Variants in TBC1D9B observed in about 807,000 individuals in gnomAD.
TBC1D9B encodes TBC1 domain family, member 9B (with GRAM domain).
In TBC1D9B, 87 loss-of-function variants were observed where a neutral mutation model predicts 121.1. The observed-to-expected ratio is 0.72, with a 90% confidence interval of 0.60 to 0.86. The LOEUF (loss-of-function observed/expected upper bound fraction) is 0.86. Among genes scored for constraint, TBC1D9B ranks in the 40% least tolerant of loss-of-function variants. The pLI is 0.00. For synonymous variants in TBC1D9B, 668 were observed against 670.1 expected (o/e 1.00, Z 0.05); for missense variants, 1,540 against 1,628.6 (o/e 0.95, Z 0.94).
intron 9 of TBC1D9B, among the ~76,000 whole-genome samples, chr5:179,878,750 G>C (rs1760439129): frequency 6.6e-6 from 1 of 152,216 alleles, no homozygotes; most frequent in African/African-American, 2.4e-5. Flanking sequence ...AATGCTGTCA[G>C]AGCCTGTCCC....
Position 179,865,142 on chromosome 5 carries a change from A to T in TBC1D9B, c.3021+112T>A, listed in dbSNP as rs913660976. Reference sequence around the variant, plus strand: ...GGACTAACGGGCTCTAGAGGCAGGGAGGAGCCTTCCCACCCACCAGGAGAT... The same window carrying T: ...GGACTAACGGGCTCTAGAGGCAGGGTGGAGCCTTCCCACCCACCAGGAGAT... On this transcript the variant is annotated intron_variant, in intron 20 of 20. Coordinates refer to ENST00000355235, the MANE Select transcript of TBC1D9B (RefSeq NM_015043.4). This position sits in a 1 kb window ranked among gnomAD's most constrained non-coding sequence, Gnocchi z 5.1. 7 of 1,001,694 alleles carry T rather than the reference A, an allele frequency of 7.0e-6. No homozygotes were observed. Among genetic ancestry groups the T allele is most frequent in the Middle Eastern group, 2.1e-4 (1 of 4,702 alleles). The allele number at this position is 1,001,694 out of a possible 1,614,324, so 62.1% of individuals were successfully genotyped here.
chr5:179,869,918 A>G (rs1399924562), intron 16 of TBC1D9B, 84 bp from the exon 17 acceptor site: 19 of 1,318,996 alleles, frequency 1.4e-5, no homozygotes, highest in Non-Finnish European at 1.9e-5. Flanking sequence ...CCCTCTTCAC[A>G]GCCTGTGCTG....
intron 18 of TBC1D9B, chr5:179,867,198 A>G (rs1760037710): frequency 2.1e-6 from 1 of 476,400 alleles, no homozygotes; most frequent in South Asian, 4.1e-5. Context: ...TGTCTCTAAC[A>G]TGTGGCTGTG....
rs1561636558 is a variant in TBC1D9B at position 179,874,822 on chromosome 5, C to A, written c.2186+80G>T. 6.4e-7 allele frequency: 1 copy of A among 1,551,288 alleles called. No homozygotes were observed. The highest frequency in any genetic ancestry group is 2.3e-5 in the East Asian group (1 of 44,368). ...TGGCACTTGGTGGGCACAGTCACTT[C>A]AGGCTGACTGGACAGTGCCCGGGGC... On this transcript the variant is annotated intron_variant, in intron 12 of 20. Transcript: ENST00000355235. The surrounding 1 kb of genome is among the most constrained non-coding windows in gnomAD (Gnocchi z 4.3).
At chr5:179,898,072 T>C (rs1470247257) in intron 3 of TBC1D9B, among the ~76,000 whole-genome samples, 2 of 151,920 alleles carry the variant, frequency 1.3e-5, no homozygotes, top group Non-Finnish European at 2.9e-5. Flanking sequence ...TCCCATAACT[T>C]TGGGAGGCCA....
At chr5:179,899,403 T>C in intron 2 of TBC1D9B, 96 bp from the exon 3 acceptor site, 1 of 1,026,640 alleles carries the variant, frequency 9.7e-7, no homozygotes, top group Non-Finnish European at 1.5e-6. Context: ...TGACCTCATT[T>C]GCTAAATCTA....
chr5:179,904,616 C>T lies in TBC1D9B; in HGVS notation c.229+86G>A. On this transcript the variant is annotated intron_variant, in intron 2 of 20. Coordinates refer to ENST00000355235, the MANE Select transcript of TBC1D9B (RefSeq NM_015043.4). This position sits in a 1 kb window ranked among gnomAD's most constrained non-coding sequence, Gnocchi z 4.2. ...CTGTCAGCAGGGAATACCACCCAGA[C>T]ACGTGGGCTACACACCCCTTCCTCT... is the stretch of plus-strand genomic sequence containing the variant. The T allele has an allele frequency of 8.7e-7, 1 of 1,154,572 alleles. No homozygotes were observed. The highest frequency in any genetic ancestry group is 1.3e-6 in the Non-Finnish European group (1 of 795,102). 71.5% of individuals were successfully genotyped at this position (1,154,572 alleles called of 1,614,324 possible).
chr5:179,876,793 G>C (rs900840909), intron 10 of TBC1D9B, among the ~76,000 whole-genome samples: 2 of 152,100 alleles, frequency 1.3e-5, no homozygotes, highest in Admixed American at 6.6e-5. Flanking sequence ...AATAGGCCAG[G>C]CCACAGTAGC....
chr5:179,904,665 G>A lies in TBC1D9B; in HGVS notation c.229+37C>T. Reference sequence around the variant, plus strand: ...CTCGGCAACGGCCCTTCCAGGGCAGGCCCTGCCCAGCACCCCTCACCACTC... The same window carrying A: ...CTCGGCAACGGCCCTTCCAGGGCAGACCCTGCCCAGCACCCCTCACCACTC... On this transcript the variant is annotated intron_variant, in intron 2 of 20. Transcript: ENST00000355235. This position sits in a 1 kb window ranked among gnomAD's most constrained non-coding sequence, Gnocchi z 4.2. 1 of 1,531,010 alleles carries A rather than the reference G, an allele frequency of 6.5e-7. No homozygotes were observed. Among genetic ancestry groups the A allele is most frequent in the South Asian group, 1.2e-5 (1 of 83,398 alleles). 94.8% of individuals were successfully genotyped at this position (1,531,010 alleles called of 1,614,324 possible).
At chr5:179,878,551 C>G in intron 9 of TBC1D9B, 28 bp from the exon 10 acceptor site, 1 of 1,567,584 alleles carries the variant, frequency 6.4e-7, no homozygotes, top group Non-Finnish European at 8.7e-7. Context: ...CCAGCTGTCT[C>G]TGTCCTTCTT....
chr5:179,866,193 G>C, intron 18 of TBC1D9B: 1 of 364,506 alleles, frequency 2.7e-6, no homozygotes, highest in Admixed American at 4.1e-5. Context: ...ACAATGATGA[G>C]GGCTATAGAC....
Position 179,863,849 on chromosome 5 carries a change from C to T in TBC1D9B, c.3301G>A (p.Gly1101Arg), listed in dbSNP as rs774127324. 26 of 1,613,318 alleles carry T rather than the reference C, an allele frequency of 1.6e-5. No individual in the cohort carries two copies. Among genetic ancestry groups the T allele is most frequent in the East Asian group, 2.2e-5 (1 of 44,846 alleles). ...QAKAGGDTHL[G>R]KAPQESQVVV... ...ACCTGGCTCTCCTGTGGGGCTTTTCCGAGGTGTGTGTCTCCGCCTGCTTTG... is the reference window on the plus strand; with the variant it reads ...ACCTGGCTCTCCTGTGGGGCTTTTCTGAGGTGTGTGTCTCCGCCTGCTTTG... Residue 1101 changes from glycine to arginine, a missense_variant, in exon 21 of 21, where the codon GGA becomes AGA. Gly to Arg is a moderately radical substitution (Grantham distance 125). Coordinates refer to ENST00000355235, the MANE Select transcript of TBC1D9B (RefSeq NM_015043.4). This position sits in a 1 kb window ranked among gnomAD's most constrained non-coding sequence, Gnocchi z 4.5.
rs142116592 is a variant in TBC1D9B at position 179,870,865 on chromosome 5, C to T, written c.2485-370G>A. ...GGCAGAGCTGGCTCAACTGTTGTGA[C>T]GCTAGGGCCACAGCGCAGCAGCCAC... On this transcript the variant is annotated intron_variant, in intron 15 of 20. Transcript: ENST00000355235. 2.1e-4 allele frequency among the ~76,000 whole-genome samples: 32 copies of T among 152,298 alleles called. No individual in the cohort carries two copies. The South Asian group carries it at 3.3e-3, about 16-fold the overall frequency.
rs748674938 is a variant in TBC1D9B, at chr5:179,875,744, T to C, written c.1900+176A>G. Among the ~76,000 whole-genome samples, 2 of 152,196 alleles carry C rather than the reference T, an allele frequency of 1.3e-5. No individual in the cohort carries two copies. Among genetic ancestry groups the C allele is most frequent in the African/African-American group, 4.8e-5 (2 of 41,428 alleles). On this transcript the variant is annotated intron_variant, in intron 11 of 20. Coordinates refer to ENST00000355235, the MANE Select transcript of TBC1D9B (RefSeq NM_015043.4). This position sits in a 1 kb window ranked among gnomAD's most constrained non-coding sequence, Gnocchi z 4.5. ...ATCAAAAAGTTGACAGGAAGTTAGA[T>C]GGATAGGAATTTAGGCTCTGAGGGG...
chr5:179,882,264 C>T (rs1760564464), intron 7 of TBC1D9B, among the ~76,000 whole-genome samples: 1 of 152,176 alleles, frequency 6.6e-6, no homozygotes, highest in Non-Finnish European at 1.5e-5. Context: ...TCCCTAACCT[C>T]AGGTTTTGAT....
Position 179,893,409 on chromosome 5 carries a change from G to C in TBC1D9B, c.636C>G (p.Leu212=). Residue 212 remains leucine, a synonymous_variant, in exon 5 of 21, where the codon CTC becomes CTG. Coordinates refer to ENST00000355235, the MANE Select transcript of TBC1D9B (RefSeq NM_015043.4). ...ITRLEKNATL[L]FPESIRVDTR... ...TGTCCACACGGATGCTCTCGGGGAA[G>C]AGCAGGGTGGCGTTCTTCTCCAGAC... The C allele has an allele frequency of 6.2e-7, 1 of 1,614,028 alleles. No individual in the cohort carries two copies.
chr5:179,863,103 G>A lies in TBC1D9B; in HGVS notation c.*345C>T, dbSNP rs1467242163. 4 of 293,478 alleles carry A rather than the reference G, an allele frequency of 1.4e-5. No homozygotes were observed. The highest frequency in any genetic ancestry group is 4.6e-5 in the Admixed American group (1 of 21,580). 18.2% of individuals were successfully genotyped at this position (293,478 alleles called of 1,614,324 possible). On this transcript the variant is annotated 3_prime_UTR_variant, in exon 21 of 21. Coordinates refer to ENST00000355235, the MANE Select transcript of TBC1D9B (RefSeq NM_015043.4). This position sits in a 1 kb window ranked among gnomAD's most constrained non-coding sequence, Gnocchi z 4.5. Reference sequence around the variant, plus strand: ...ATGGAGGGACTCAGCTGGCCTGGCCGCAGTGTGGAGCACAGAGGTATGAGG... The same window carrying A: ...ATGGAGGGACTCAGCTGGCCTGGCCACAGTGTGGAGCACAGAGGTATGAGG...
Position 179,865,523 on chromosome 5 carries a change from C to A in TBC1D9B, c.2915-163G>T. On this transcript the variant is annotated intron_variant, in intron 19 of 20. Coordinates refer to ENST00000355235, the MANE Select transcript of TBC1D9B (RefSeq NM_015043.4). This position sits in a 1 kb window ranked among gnomAD's most constrained non-coding sequence, Gnocchi z 5.1. ...GTGGTCATGGGAAAAAAACCCAGAACAGCCACAGGTTTTCCCTAAATTGCT... is the reference window on the plus strand; with the variant it reads ...GTGGTCATGGGAAAAAAACCCAGAAAAGCCACAGGTTTTCCCTAAATTGCT... 3 of 678,148 alleles carry A rather than the reference C, an allele frequency of 4.4e-6. No homozygotes were observed. The South Asian group carries it at 5.4e-5, about 12-fold the overall frequency. The allele number at this position is 678,148 out of a possible 1,614,324, so 42.0% of individuals were successfully genotyped here.
chr5:179,876,403 G>A (rs1207649190), intron 10 of TBC1D9B, among the ~76,000 whole-genome samples: 1 of 152,140 alleles, frequency 6.6e-6, no homozygotes, highest in South Asian at 2.1e-4. Flanking sequence ...ACACTTCTGC[G>A]GAGTGGTGTT....
Sources: gnomAD v4.1 joint callset for allele counts (sites outside exome capture counted in the v4.1 genomes callset) on GRCh38, gnomAD v4.1.1 for gene constraint, Gnocchi (gnomAD v3.1) non-coding constraint, MANE v1.5 for transcripts, NCBI Gene and HGNC (gene_info 2026-07-23, HGNC 2026-07-21) for gene names.